Variants in UNC13B observed in about 807,000 individuals in gnomAD.
UNC13B encodes unc-13 homolog B.
In UNC13B, 144 loss-of-function variants were observed where a neutral mutation model predicts 211.0. The observed-to-expected ratio is 0.68, with a 90% CI of 0.60 to 0.78. The LOEUF is 0.78. UNC13B is among the 30% of genes least tolerant of loss of function. The probability of loss-of-function intolerance (pLI) is 0.00; values close to 1 mark genes in which losing one functional copy is unlikely to be tolerated. For missense variants in UNC13B, 1,777 were observed against 2,002.0 expected (o/e 0.89, Z 2.14); for synonymous variants, 709 against 725.8 (o/e 0.98, Z 0.37).
chr9:35,316,192 C>A (rs1830441011), intron 11 of UNC13B, among the ~76,000 whole-genome samples: 1 of 152,042 alleles, frequency 6.6e-6, no homozygotes. Context: ...CAATTGGTAA[C>A]TTTCTGTTTC....
rs1409222193 is a variant in UNC13B, at chr9:35,354,779, G to C, written c.9415-12168G>C. 3.3e-5 allele frequency among the ~76,000 whole-genome samples: 5 copies of C among 152,304 alleles called. No individual in the cohort carries two copies. The East Asian group carries it at 7.7e-4, about 23-fold the overall frequency. ...CAAAGGTGTGAGGGAATATGCACTTGTACGTTGCTGGTGGGATGGGAGTAT... is the reference window on the plus strand; with the variant it reads ...CAAAGGTGTGAGGGAATATGCACTTCTACGTTGCTGGTGGGATGGGAGTAT... On this transcript the variant is annotated intron_variant, in intron 11 of 39. Transcript: ENST00000635942.
At chr9:35,341,076 AT>A (rs1831963949) in intron 11 of UNC13B, among the ~76,000 whole-genome samples, 1 of 152,188 alleles carries the variant, frequency 6.6e-6, no homozygotes, top group Non-Finnish European at 1.5e-5. Flanking sequence ...AAGAAGGGTT[AT>A]GAAATTTGGG....
intron 1 of UNC13B, among the ~76,000 whole-genome samples, chr9:35,194,769 T>A (rs1356025271): frequency 6.6e-6 from 1 of 152,150 alleles, no homozygotes; most frequent in Non-Finnish European, 1.5e-5. Context: ...CTGACATGAT[T>A]GGCTATGTTG....
In UNC13B at chr9:35,214,889, A is replaced by G. The variant is rs1824172027; in HGVS notation, c.23-13126A>G. ...AGACATTTCAGACAAAAATGTGAGAATGTAAGCTCAGTGATGAAAGGGATT... is the reference window on the plus strand; with the variant it reads ...AGACATTTCAGACAAAAATGTGAGAGTGTAAGCTCAGTGATGAAAGGGATT... On this transcript the variant is annotated intron_variant, in intron 1 of 39. Coordinates refer to ENST00000635942, the MANE Select transcript of UNC13B (RefSeq NM_001371189.2). Among the ~76,000 whole-genome samples, 4 of 152,234 alleles carry G rather than the reference A, an allele frequency of 2.6e-5. No individual in the cohort carries two copies. In the South Asian group the frequency reaches 8.3e-4, roughly 32 times the overall value.
intron 1 of UNC13B, among the ~76,000 whole-genome samples, chr9:35,172,134 C>T (rs1821366482): frequency 1.3e-5 from 2 of 151,210 alleles, no homozygotes; most frequent in African/African-American, 4.9e-5. Flanking sequence ...CTCCGCCTCC[C>T]AAAGTGCTGA....
Position 35,306,281 on chromosome 9 carries a change from G to T in UNC13B, c.6877G>T (p.Val2293Phe), listed in dbSNP as rs1030023414. The part of the protein sequence containing the change: ...PCISINNTIE[V>F]TSLADELSVD... Reference sequence around the variant, plus strand: ...TATTTCCATTAACAACACCATTGAGGTTACCTCCCTTGCAGATGAGCTCAG... The same window carrying T: ...TATTTCCATTAACAACACCATTGAGTTTACCTCCCTTGCAGATGAGCTCAG... Residue 2293 changes from valine to phenylalanine, a missense_variant, in exon 9 of 40, where the codon GTT (valine) becomes TTT (phenylalanine). Val to Phe is a conservative substitution (Grantham distance 50). Coordinates refer to ENST00000635942, the MANE Select transcript of UNC13B (RefSeq NM_001371189.2). 7.5e-6 allele frequency: 3 copies of T among 399,010 alleles called. No individual in the cohort carries two copies. Among genetic ancestry groups the T allele is most frequent in the Non-Finnish European group, 1.3e-5 (3 of 226,062 alleles). The allele number at this position is 399,010 out of a possible 1,614,324, so 24.7% of individuals were successfully genotyped here.
At chr9:35,355,902 GA>G (rs1832992387) in intron 11 of UNC13B, among the ~76,000 whole-genome samples, 1 of 152,198 alleles carries the variant, frequency 6.6e-6, no homozygotes, top group East Asian at 1.9e-4. Context: ...ATGTTAGCAT[GA>G]GCACCAATGA....
At chr9:35,207,457 C>G (rs1823721760) in intron 1 of UNC13B, among the ~76,000 whole-genome samples, 1 of 148,042 alleles carries the variant, frequency 6.8e-6, no homozygotes, top group African/African-American at 2.5e-5. Context: ...TTTCTATGAA[C>G]TCTGCAGAGA....
intron 1 of UNC13B, among the ~76,000 whole-genome samples, chr9:35,212,321 C>T (rs780138353): frequency 3.3e-5 from 5 of 152,270 alleles, no homozygotes; most frequent in South Asian, 2.1e-4. Context: ...GCCTGTAATC[C>T]CAGGACTTTG....
intron 7 of UNC13B, among the ~76,000 whole-genome samples, chr9:35,294,210 G>A (rs1829237438): frequency 6.6e-6 from 1 of 151,842 alleles, no homozygotes; most frequent in Admixed American, 6.6e-5. Context: ...TTCTGTTTCC[G>A]CTGTATAGAT....
rs971955135 is a variant in UNC13B at position 35,305,215 on chromosome 9, G to A, written c.5811G>A (p.Gln1937=). 2 of 398,792 alleles carry A rather than the reference G, an allele frequency of 5.0e-6. No homozygotes were observed. The highest frequency in any genetic ancestry group is 2.1e-5 in the African/African-American group (1 of 48,614). 24.7% of individuals were successfully genotyped at this position (398,792 alleles called of 1,614,324 possible). The change falls in exon 9 of 40, where the codon CAG becomes CAA. Residue 1937 remains glutamine (Q), a synonymous_variant. Transcript: ENST00000635942. ...TTAGTATGACAGCAAATGAAAAACA[G>A]TCATCTGGATTTTTGAATCTTTTTA... ...SSVSMTANEK[Q]SSGFLNLFKT...
At chr9:35,165,457 G>T (rs2131232253) in intron 1 of UNC13B, among the ~76,000 whole-genome samples, 1 of 142,748 alleles carries the variant, frequency 7.0e-6, no homozygotes, top group Admixed American at 7.2e-5. Flanking sequence ...AGTCTCTGTT[G>T]CCCAGGCTGG....
At chr9:35,291,693 G>A (rs965932617) in intron 7 of UNC13B, among the ~76,000 whole-genome samples, 2 of 152,210 alleles carry the variant, frequency 1.3e-5, no homozygotes, top group Non-Finnish European at 2.9e-5. Context: ...AGAGCTTAGA[G>A]AGTGGGCAGC....
intron 11 of UNC13B, among the ~76,000 whole-genome samples, chr9:35,350,049 A>T (rs1403716653): frequency 6.6e-6 from 1 of 152,178 alleles, no homozygotes; most frequent in African/African-American, 2.4e-5. Flanking sequence ...TCTCCCACCA[A>T]TCCATCTTAC....
intron 1 of UNC13B, among the ~76,000 whole-genome samples, chr9:35,225,421 C>T (rs943717299): frequency 6.6e-6 from 1 of 152,208 alleles, no homozygotes; most frequent in African/African-American, 2.4e-5. Flanking sequence ...TCCCAAAGTG[C>T]TGGGATTACA....
Position 35,302,435 on chromosome 9 carries a change from A to G in UNC13B, c.3031A>G (p.Asn1011Asp). 2.5e-6 allele frequency: 1 copy of G among 398,700 alleles called. No homozygotes were observed. Among genetic ancestry groups the G allele is most frequent in the Non-Finnish European group, 4.4e-6 (1 of 225,798 alleles). 24.7% of individuals were successfully genotyped at this position (398,700 alleles called of 1,614,324 possible). A position where few individuals can be genotyped will look rare whatever the true frequency, so the allele number is the denominator to read the frequency against. ...TTCAATAAAATCTGGTTCAGCTCCA[A>G]ATACTCAGGATAATCTAGGGAAATT... ...LSSIKSGSAP[N>D]TQDNLGKFDS... The change falls in exon 9 of 40, where the codon AAT becomes GAT. Residue 1011 changes from asparagine (N) to aspartate (D), a missense_variant. Physicochemically the swap from Asn to Asp is conservative, Grantham distance 23 (BLOSUM62 1). Transcript: ENST00000635942.
chr9:35,322,600 A>G (rs927410537), intron 11 of UNC13B, among the ~76,000 whole-genome samples: 1 of 152,108 alleles, frequency 6.6e-6, no homozygotes, highest in Non-Finnish European at 1.5e-5. Context: ...TAAGACAGAG[A>G]ACGAATCGAA....
chr9:35,198,909 G>C (rs201006201), intron 1 of UNC13B, among the ~76,000 whole-genome samples: 10 of 152,208 alleles, frequency 6.6e-5, no homozygotes, highest in African/African-American at 1.9e-4. Context: ...TGTGCACAAC[G>C]TGCAGGTTTG....
chr9:35,390,286 C>T (rs770768698), intron 25 of UNC13B, among the ~76,000 whole-genome samples: 3 of 152,192 alleles, frequency 2.0e-5, no homozygotes, highest in Non-Finnish European at 2.9e-5. Context: ...TGAAGTGGGC[C>T]TTCTTATAGC....
Sources: gnomAD v4.1 joint callset for allele counts (sites outside exome capture counted in the v4.1 genomes callset) on GRCh38, gnomAD v4.1.1 for gene constraint, MANE v1.5 for transcripts, NCBI Gene and HGNC (gene_info 2026-07-23, HGNC 2026-07-21) for gene names.